CLEC16A: variants seen among roughly 807,000 people sequenced by gnomAD.
The protein encoded by CLEC16A is protein CLEC16A.
Under a neutral mutation model 109.5 loss-of-function variants are expected in CLEC16A, and 51 were observed. The observed-to-expected ratio is 0.47, with a 90% confidence interval of 0.37 to 0.59. The LOEUF (loss-of-function observed/expected upper bound fraction) is 0.59, where lower values mean the gene tolerates loss of function less well. CLEC16A is among the 20% of genes least tolerant of loss of function. The pLI is 0.00. For synonymous variants in CLEC16A, 673 were observed against 564.2 expected, an observed-to-expected ratio of 1.19 and a Z score of -2.73; for missense variants, 1,339 against 1,394.0, an observed-to-expected ratio of 0.96 and a Z score of 0.63.
intron 23 of CLEC16A, among the ~76,000 whole-genome samples, chr16:11,167,145 G>T (rs890404353): frequency 1.3e-5 from 2 of 152,170 alleles, no homozygotes; most frequent in African/African-American, 4.8e-5. Flanking sequence ...ACATGCACCA[G>T]CTCCTCGTTC....
At chr16:11,137,587 T>TAAAAAAAAAAA (rs5815617) in intron 22 of CLEC16A, among the ~76,000 whole-genome samples, 1 of 59,312 alleles carries the variant, frequency 1.7e-5, no homozygotes. Context: ...AGACTCCATC[T>TAAAAAAAAAAA]AAAAAAAAAA....
intron 22 of CLEC16A, among the ~76,000 whole-genome samples, chr16:11,160,446 G>A (rs866270414): frequency 7.2e-5 from 11 of 152,124 alleles, no homozygotes; most frequent in South Asian, 2.1e-4. Flanking sequence ...TGCACCACAT[G>A]GGAAAGAGTT....
chr16:11,104,245 A>G (rs1051675619), intron 19 of CLEC16A, among the ~76,000 whole-genome samples: 2 of 151,130 alleles, frequency 1.3e-5, no homozygotes, highest in African/African-American at 4.9e-5. Flanking sequence ...AGTACCTGGG[A>G]CTACAGCCAT....
intron 10 of CLEC16A, among the ~76,000 whole-genome samples, chr16:10,991,840 G>A (rs1328502950): frequency 6.6e-6 from 1 of 152,222 alleles, no homozygotes; most frequent in Non-Finnish European, 1.5e-5. Context: ...CAAGAAGGGA[G>A]CATTTTGCTC....
At chr16:11,100,870 G>A (rs1249573844) in intron 19 of CLEC16A, among the ~76,000 whole-genome samples, 3 of 152,140 alleles carry the variant, frequency 2.0e-5, no homozygotes, top group Non-Finnish European at 4.4e-5. Flanking sequence ...AGTCTGTAAC[G>A]GGTTGAATAT....
intron 22 of CLEC16A, among the ~76,000 whole-genome samples, chr16:11,153,049 A>G (rs2054358358): frequency 6.6e-6 from 1 of 152,226 alleles, no homozygotes; most frequent in African/African-American, 2.4e-5. Context: ...GTTCTTGGGA[A>G]GAAATGAAGT....
chr16:11,081,097 C>G (rs1177531263), intron 19 of CLEC16A, among the ~76,000 whole-genome samples: 2 of 152,230 alleles, frequency 1.3e-5, no homozygotes, highest in Non-Finnish European at 2.9e-5. Flanking sequence ...AACAGGCAGG[C>G]AGGAGACAGC....
Position 11,042,351 on chromosome 16 carries a change from G to A in CLEC16A, c.1758G>A (p.Leu586=). 1 of 1,584,684 alleles carries A rather than the reference G, an allele frequency of 6.3e-7. No homozygotes were observed. Among genetic ancestry groups the A allele is most frequent in the South Asian group, 1.2e-5 (1 of 86,406 alleles). ...GCTGCATCATGAAGGACGTGCACCTGGCCTGCCTGGAGGTAACGCCCTCTC... is the reference window on the plus strand; with the variant it reads ...GCTGCATCATGAAGGACGTGCACCTAGCCTGCCTGGAGGTAACGCCCTCTC... ...SAGCIMKDVH[L]ACLEGAREES... The change falls in exon 15 of 24, where the codon CTG becomes CTA. Residue 586 remains leucine (L), a synonymous_variant. Transcript: ENST00000409790.
chr16:10,983,008 G>A lies in CLEC16A; in HGVS notation c.1071+17G>A, dbSNP rs139327223. On this transcript the variant is annotated intron_variant, in intron 10 of 23. Transcript: ENST00000409790. The stretch of plus-strand genomic sequence containing the variant: ...AGAAGTTCTGTAAGTCATTAGCTTC[G>A]GGACTGACCTTAACAGGAAACCATT... The A allele has an allele frequency of 6.3e-5, 86 of 1,356,120 alleles. 3 individuals are homozygous for A. In the South Asian group the frequency reaches 8.6e-4, roughly 14 times the overall value. The allele number at this position is 1,356,120 out of a possible 1,614,324, so 84.0% of individuals were successfully genotyped here.
At chr16:11,012,918 GT>G (rs757288725) in intron 11 of CLEC16A, among the ~76,000 whole-genome samples, 3 of 152,120 alleles carry the variant, frequency 2.0e-5, no homozygotes, top group Non-Finnish European at 4.4e-5. Flanking sequence ...CATATTTCCA[GT>G]TTAGGATCTT....
At chr16:10,955,731 A>G (rs1025283601) in intron 1 of CLEC16A, among the ~76,000 whole-genome samples, 1 of 152,164 alleles carries the variant, frequency 6.6e-6, no homozygotes, top group African/African-American at 2.4e-5. Flanking sequence ...TAATAGATGT[A>G]CACAGAAGAG....
chr16:11,096,866 C>CCT (rs1567312810), intron 19 of CLEC16A, among the ~76,000 whole-genome samples: 1 of 151,924 alleles, frequency 6.6e-6, no homozygotes, highest in Admixed American at 6.6e-5. Context: ...TTATAAATTT[C>CCT]AATACAAAGG....
intron 20 of CLEC16A, among the ~76,000 whole-genome samples, chr16:11,123,448 C>T (rs1161621544): frequency 2.0e-5 from 3 of 152,096 alleles, no homozygotes; most frequent in African/African-American, 4.8e-5. Flanking sequence ...TGTGGGGGTA[C>T]GCTGTTATTC....
At chr16:11,142,251 G>A (rs1020723217) in intron 22 of CLEC16A, among the ~76,000 whole-genome samples, 1 of 152,218 alleles carries the variant, frequency 6.6e-6, no homozygotes, top group Non-Finnish European at 1.5e-5. Context: ...AGTGTCCAGG[G>A]ATCCTCCTCA....
intron 11 of CLEC16A, among the ~76,000 whole-genome samples, chr16:11,009,708 G>T (rs746375811): frequency 6.6e-6 from 1 of 152,242 alleles, no homozygotes; most frequent in African/African-American, 2.4e-5. Context: ...TAAGGGGGCA[G>T]TGCAAAGAAA....
chr16:11,062,916 AG>A (rs2048563921), intron 19 of CLEC16A, among the ~76,000 whole-genome samples: 1 of 141,010 alleles, frequency 7.1e-6, no homozygotes. Flanking sequence ...GGCAGTGGGG[AG>A]GGGGCACTTC....
chr16:11,098,930 A>G (rs8061826), intron 19 of CLEC16A, among the ~76,000 whole-genome samples: 68,912 of 152,102 alleles, frequency 0.45, 15,843 homozygotes, highest in African/African-American at 0.53. Context: ...GAGGCAGGTG[A>G]CCCATGAGGA....
At chr16:11,075,430 G>A (rs34761540) in intron 19 of CLEC16A, among the ~76,000 whole-genome samples, 144 of 123,550 alleles carry the variant, frequency 1.2e-3, no homozygotes, top group East Asian at 3.1e-3. Flanking sequence ...GTGTGTGTAT[G>A]TGTGTGTGTG....
intron 11 of CLEC16A, among the ~76,000 whole-genome samples, chr16:11,009,708 G>A (rs746375811): frequency 6.6e-6 from 1 of 152,242 alleles, no homozygotes; most frequent in South Asian, 2.1e-4. Flanking sequence ...TAAGGGGGCA[G>A]TGCAAAGAAA....
Sources: allele counts gnomAD v4.1 joint callset (sites outside exome capture counted in the v4.1 genomes callset), GRCh38; gene constraint gnomAD v4.1.1; transcripts MANE v1.5; gene names NCBI Gene and HGNC (gene_info 2026-07-23, HGNC 2026-07-21).